ADCY3: variants seen among roughly 807,000 people sequenced by gnomAD.
ADCY3 encodes adenylate cyclase 3.
In ADCY3, 70 loss-of-function variants were observed where a neutral mutation model predicts 119.4. That is an observed-to-expected ratio of 0.59 (90% CI 0.48 to 0.72). ADCY3 has a LOEUF of 0.72. Among genes scored for constraint, ADCY3 ranks in the 30% least tolerant of loss-of-function variants. The pLI is 0.00. For missense variants in ADCY3, 1,238 were observed against 1,541.6 expected, an observed-to-expected ratio of 0.80 and a Z score of 3.30; for synonymous variants, 672 against 621.4, an observed-to-expected ratio of 1.08 and a Z score of -1.21.
chr2:24,913,033 G>A (rs1264428675), intron 2 of ADCY3, among the ~76,000 whole-genome samples: 1 of 152,234 alleles, frequency 6.6e-6, no homozygotes, highest in Non-Finnish European at 1.5e-5. Context: ...ACCCTCCACT[G>A]ATGCCCATCT....
intron 17 of ADCY3, among the ~76,000 whole-genome samples, chr2:24,824,034 TCTAA>T (rs1224873544): frequency 6.6e-6 from 1 of 152,232 alleles, no homozygotes; most frequent in Non-Finnish European, 1.5e-5. Flanking sequence ...CTCTAGTTCC[TCTAA>T]CAGCCCCAGC....
intron 3 of ADCY3, among the ~76,000 whole-genome samples, chr2:24,865,471 G>C (rs1423777775): frequency 6.7e-6 from 1 of 148,340 alleles, no homozygotes; most frequent in African/African-American, 2.5e-5. Context: ...TAGTACAAAA[G>C]AGTGAATAGG....
chr2:24,821,547 G>C lies in ADCY3; in HGVS notation c.3097C>G (p.Gln1033Glu). The C allele has an allele frequency of 6.2e-7, 1 of 1,614,186 alleles. No individual in the cohort carries two copies. Among genetic ancestry groups the C allele is most frequent in the Non-Finnish European group, 8.5e-7 (1 of 1,180,034 alleles). The change falls in exon 20 of 22, where the codon CAG becomes GAG. Residue 1033 changes from glutamine to glutamate, a missense_variant. Coordinates refer to ENST00000679454, the MANE Select transcript of ADCY3 (RefSeq NM_004036.5). ...CGCAGCATGAAGTTATTGAAGGACTGGTTGTTGATGTTGGTGAGCGTATCC... is the reference window on the plus strand; with the variant it reads ...CGCAGCATGAAGTTATTGAAGGACTCGTTGTTGATGTTGGTGAGCGTATCC... Reference protein sequence around the residue: ...MKDTLTNINNQSFNNFMLRIG... With the variant: ...MKDTLTNINNESFNNFMLRIG...
chr2:24,869,265 C>G (rs1263402899), intron 3 of ADCY3, among the ~76,000 whole-genome samples: 3 of 151,944 alleles, frequency 2.0e-5, no homozygotes, highest in African/African-American at 7.3e-5. Context: ...GGACATGTTT[C>G]TGGGGGAAAA....
intron 3 of ADCY3, among the ~76,000 whole-genome samples, chr2:24,853,410 C>CT (rs1352557125): frequency 6.6e-6 from 1 of 150,966 alleles, no homozygotes; most frequent in East Asian, 1.9e-4. Flanking sequence ...TCCTGTAATC[C>CT]TTTTTTATTG....
intron 2 of ADCY3, among the ~76,000 whole-genome samples, chr2:24,909,608 G>A (rs937258978): frequency 7.2e-5 from 11 of 152,314 alleles, no homozygotes; most frequent in African/African-American, 2.4e-4. Context: ...TCTTAGAAAT[G>A]ATGTATTGGA....
Position 24,834,484 on chromosome 2 carries a change from C to A in ADCY3, c.1967+1G>T. On this transcript the variant is annotated splice_donor_variant, in intron 11 of 21. Transcript: ENST00000679454. LOFTEE classifies it high-confidence loss of function. The surrounding 1 kb of genome is among the most constrained non-coding windows in gnomAD (Gnocchi z 4.2). ...GTGGCCCTCCCCGGCCCCTCCCTCACCAGGGGTCGATGAGTATCTCGACCA... is the reference window on the plus strand; with the variant it reads ...GTGGCCCTCCCCGGCCCCTCCCTCAACAGGGGTCGATGAGTATCTCGACCA... 6.2e-7 allele frequency: 1 copy of A among 1,601,494 alleles called. No homozygotes were observed. The highest frequency in any genetic ancestry group is 8.5e-7 in the Non-Finnish European group (1 of 1,172,388).
chr2:24,841,146 C>T lies in ADCY3; in HGVS notation c.1196+113G>A. Reference sequence around the variant, plus strand: ...CAGTGCTGTGTCCCAGTCTCTGCTTCCAGCAGATCCCCCACCCAGGGGCCA... The same window carrying T: ...CAGTGCTGTGTCCCAGTCTCTGCTTTCAGCAGATCCCCCACCCAGGGGCCA... On this transcript the variant is annotated intron_variant, in intron 6 of 21. Coordinates refer to ENST00000679454, the MANE Select transcript of ADCY3 (RefSeq NM_004036.5). The surrounding 1 kb of genome is among the most constrained non-coding windows in gnomAD (Gnocchi z 5.8). The T allele has an allele frequency of 8.1e-7, 1 of 1,237,934 alleles. No homozygotes were observed. 76.7% of individuals were successfully genotyped at this position (1,237,934 alleles called of 1,614,324 possible). A position where few individuals can be genotyped will look rare whatever the true frequency, so the allele number is the denominator to read the frequency against.
intron 3 of ADCY3, among the ~76,000 whole-genome samples, chr2:24,858,483 A>G (rs941408429): frequency 6.6e-6 from 1 of 152,232 alleles, no homozygotes; most frequent in African/African-American, 2.4e-5. Context: ...AGCCAGGAGG[A>G]AGTGCCAGCT....
rs1664811537 is a variant in ADCY3, at chr2:24,919,089, C to CT, written c.-103dup. ...AGGGCTCTCTGAGACCGGGGGAGGG[C>CT]TGAGGGCCTCTTCTTGTCTGGGGCG... On this transcript the variant is annotated 5_prime_UTR_variant, in exon 2 of 22. Coordinates refer to ENST00000679454, the MANE Select transcript of ADCY3 (RefSeq NM_004036.5). This position sits in a 1 kb window ranked among gnomAD's most constrained non-coding sequence, Gnocchi z 5.5. 1.6e-6 allele frequency: 2 copies of CT among 1,267,298 alleles called. No homozygotes were observed. Among genetic ancestry groups the CT allele is most frequent in the South Asian group, 1.6e-5 (1 of 64,122 alleles). 78.5% of individuals were successfully genotyped at this position (1,267,298 alleles called of 1,614,324 possible). A position where few individuals can be genotyped will look rare whatever the true frequency, so the allele number is the denominator to read the frequency against.
chr2:24,918,430 G>A lies in ADCY3; in HGVS notation c.558C>T (p.Ser186=). The change falls in exon 2 of 22, where the codon AGC becomes AGT. Residue 186 remains serine (S), a synonymous_variant. Coordinates refer to ENST00000679454, the MANE Select transcript of ADCY3 (RefSeq NM_004036.5). This position sits in a 1 kb window ranked among gnomAD's most constrained non-coding sequence, Gnocchi z 5.4. ...VFSFFITLPL[S]LSPIVIISVV... Reference sequence around the variant, plus strand: ...CGGAGATGATCACGATGGGGCTGAGGCTGAGGGGCAGCGTGATGAAGAAGG... The same window carrying A: ...CGGAGATGATCACGATGGGGCTGAGACTGAGGGGCAGCGTGATGAAGAAGG... The A allele has an allele frequency of 6.2e-7, 1 of 1,613,984 alleles. No individual in the cohort carries two copies. The highest frequency in any genetic ancestry group is 8.5e-7 in the Non-Finnish European group (1 of 1,180,028).
intron 13 of ADCY3, among the ~76,000 whole-genome samples, chr2:24,829,765 G>GA (rs144052640): frequency 0.036 from 5,497 of 150,694 alleles, 204 homozygotes; most frequent in South Asian, 0.052. Flanking sequence ...CATTATATTT[G>GA]AAAAAAAAGG....
chr2:24,826,006 C>A, intron 16 of ADCY3, 39 bp downstream of exon 16: 2 of 1,600,450 alleles, frequency 1.2e-6, no homozygotes, highest in Non-Finnish European at 1.7e-6. Flanking sequence ...GCCCTGTGGG[C>A]TGTGGGCACA....
Position 24,899,813 on chromosome 2 carries a change from C to T in ADCY3, c.675+18500G>A, listed in dbSNP as rs58469254. Among the ~76,000 whole-genome samples the T allele has an allele frequency of 8.8e-4, 134 of 152,282 alleles. 1 individual carries two copies. The East Asian group carries it at 0.02, about 23-fold the overall frequency. On this transcript the variant is annotated intron_variant, in intron 2 of 21. Coordinates refer to ENST00000679454, the MANE Select transcript of ADCY3 (RefSeq NM_004036.5). The surrounding 1 kb of genome is among the most constrained non-coding windows in gnomAD (Gnocchi z 4.5). ...TTCACAGAAAGATCTCTGGAAGTAT[C>T]CACACCAAACATTTGGCAATGGGTA... is the stretch of plus-strand genomic sequence containing the variant.
In ADCY3 at chr2:24,838,661, G is replaced by C. The variant is rs553886513; in HGVS notation, c.1356-39C>G. 5 of 1,610,558 alleles carry C rather than the reference G, an allele frequency of 3.1e-6. No homozygotes were observed. The South Asian group carries it at 5.5e-5, about 18-fold the overall frequency. ...AGAGAGGCCCTGAGCGTCGGCCAGA[G>C]GTGGCCCTCACACCCCCAGGGGACA... On this transcript the variant is annotated intron_variant, in intron 7 of 21. Coordinates refer to ENST00000679454, the MANE Select transcript of ADCY3 (RefSeq NM_004036.5).
intron 2 of ADCY3, among the ~76,000 whole-genome samples, chr2:24,875,312 G>A (rs1023111084): frequency 2.0e-5 from 3 of 152,318 alleles, no homozygotes; most frequent in African/African-American, 7.2e-5. Context: ...CAAAGTCGTG[G>A]CTACAAGGCC....
At position 24,842,124 on chromosome 2, in the gene ADCY3, A is replaced by G; in HGVS notation, c.956+130T>C. On this transcript the variant is annotated intron_variant, in intron 4 of 21. Transcript: ENST00000679454. This position sits in a 1 kb window ranked among gnomAD's most constrained non-coding sequence, Gnocchi z 4.9. ...GCAGCTTCCTCCGCCAGGCTGATGA[A>G]TGCTGTGGGAGGCCTTGCTTCTAGT... 1.5e-6 allele frequency: 2 copies of G among 1,323,968 alleles called. No homozygotes were observed. The highest frequency in any genetic ancestry group is 1.4e-5 in the South Asian group (1 of 73,668). 82.0% of individuals were successfully genotyped at this position (1,323,968 alleles called of 1,614,324 possible). A position where few individuals can be genotyped will look rare whatever the true frequency, so the allele number is the denominator to read the frequency against.
At chr2:24,877,927 C>A (rs964280650) in intron 2 of ADCY3, 5 of 471,088 alleles carry the variant, frequency 1.1e-5, no homozygotes, top group African/African-American at 8.0e-5. Flanking sequence ...CTCACCAAAC[C>A]CATGAGGTTG....
chr2:24,845,961 G>C (rs568905243), intron 3 of ADCY3, among the ~76,000 whole-genome samples: 3 of 152,350 alleles, frequency 2.0e-5, no homozygotes, highest in Admixed American at 1.3e-4. Flanking sequence ...CCAAGCCTTG[G>C]CAGCTACCAT....
Sources: gnomAD v4.1 joint callset for allele counts (sites outside exome capture counted in the v4.1 genomes callset) on GRCh38, gnomAD v4.1.1 for gene constraint, Gnocchi (gnomAD v3.1) non-coding constraint, MANE v1.5 for transcripts, NCBI Gene and HGNC (gene_info 2026-07-23, HGNC 2026-07-21) for gene names.